The following ZSCAN5A variants were observed in gnomAD, a reference collection of about 807,000 sequenced individuals.
ZSCAN5A encodes the protein zinc finger and SCAN domain containing 5A.
ZSCAN5A carries 12 observed loss-of-function variants against 23.7 expected under a neutral mutation model. That is an observed-to-expected ratio of 0.51 (90% CI 0.32 to 0.82). The LOEUF (loss-of-function observed/expected upper bound fraction) is 0.82. ZSCAN5A is among the 40% of genes least tolerant of loss of function. The pLI, the probability that ZSCAN5A is intolerant of heterozygous loss-of-function variation, is 0.03. For synonymous variants in ZSCAN5A, 257 were observed against 239.9 expected, an observed-to-expected ratio of 1.07 and a Z score of -0.66; for missense variants, 597 against 617.9, an observed-to-expected ratio of 0.97 and a Z score of 0.36.
At chr19:56,297,524 G>A (rs895634926) in intron 2 of ZSCAN5A, 1 of 985,024 alleles carries the variant, frequency 1.0e-6, no homozygotes, top group African/African-American at 1.8e-5. Context: ...GTGGCTGCAA[G>A]GAGGAAGGTA....
rs943302585 is a variant in ZSCAN5A at position 56,222,294 on chromosome 19, G to A, written c.772C>T (p.Pro258Ser). The A allele has an allele frequency of 3.1e-6, 5 of 1,612,600 alleles. No individual in the cohort carries two copies. The highest frequency in any genetic ancestry group is 1.3e-5 in the African/African-American group (1 of 74,892). Reference sequence around the variant, plus strand: ...TTTTCCACAGAGGCTATTTTTGGGGGGTCCTTCCCCTCCTTTGCTCTCACC... The same window carrying A: ...TTTTCCACAGAGGCTATTTTTGGGGAGTCCTTCCCCTCCTTTGCTCTCACC... ...DLVRAKEGKD[P>S]PKIASVENVD... is the part of the protein sequence containing the mutation. Residue 258 changes from proline to serine, a missense_variant, in exon 6 of 6, where the codon CCC becomes TCC. Physicochemically the swap from Pro to Ser is moderately conservative, Grantham distance 74. Around this residue, in one of 5 missense-constraint regions of ZSCAN5A, gnomAD observed 406 missense variants for 353.2 expected, o/e 1.15. Coordinates refer to ENST00000683990, the MANE Select transcript of ZSCAN5A (RefSeq NM_001322064.3).
intron 2 of ZSCAN5A, among the ~76,000 whole-genome samples, chr19:56,232,695 T>C (rs1201882815): frequency 6.6e-6 from 1 of 152,040 alleles, no homozygotes; most frequent in Non-Finnish European, 1.5e-5. Flanking sequence ...TTTTCTTTTT[T>C]TCAGACAGGG....
intron 2 of ZSCAN5A, among the ~76,000 whole-genome samples, chr19:56,280,155 T>C (rs1285550109): frequency 6.6e-6 from 1 of 152,180 alleles, no homozygotes; most frequent in African/African-American, 2.4e-5. Context: ...AAAGTCCTCT[T>C]GTTTCTATTT....
chr19:56,353,747 A>T (rs946728577), intron 2 of ZSCAN5A, among the ~76,000 whole-genome samples: 1 of 152,128 alleles, frequency 6.6e-6, no homozygotes, highest in South Asian at 2.1e-4. Flanking sequence ...GTGCCACTGC[A>T]CTCCAGCCTG....
At chr19:56,269,783 G>A (rs1158990401) in intron 2 of ZSCAN5A, among the ~76,000 whole-genome samples, 1 of 152,208 alleles carries the variant, frequency 6.6e-6, no homozygotes, top group Non-Finnish European at 1.5e-5. Flanking sequence ...GCAGCCTGTA[G>A]AAGCTGCAGA....
intron 2 of ZSCAN5A, chr19:56,246,776 CCT>C (rs2035937395): frequency 1.9e-6 from 3 of 1,599,994 alleles, no homozygotes; most frequent in Non-Finnish European, 2.6e-6. Context: ...AAAAAAAGAG[CCT>C]CTGTCGAAAA....
At chr19:56,292,923 C>T (rs555739622) in intron 2 of ZSCAN5A, among the ~76,000 whole-genome samples, 1 of 152,368 alleles carries the variant, frequency 6.6e-6, no homozygotes, top group South Asian at 2.1e-4. Flanking sequence ...CTGAGCAATA[C>T]TCCATTGCAT....
rs531042856 is a variant in ZSCAN5A at position 56,224,934 on chromosome 19, A to C, written c.113T>G (p.Val38Gly). 158 of 1,614,206 alleles carry C rather than the reference A, an allele frequency of 9.8e-5. No individual in the cohort carries two copies. In the African/African-American group the frequency reaches 1.6e-3, roughly 16 times the overall value. ...GTTCACGTGAGAAATCTCAGGGTCCACGTCGTGATTTCCAAGTTGAGTTTC... is the reference window on the plus strand; with the variant it reads ...GTTCACGTGAGAAATCTCAGGGTCCCCGTCGTGATTTCCAAGTTGAGTTTC... ...SSETQLGNHD[V>G]DPEISHVNFR... Residue 38 changes from valine (V) to glycine (G), a missense_variant, in exon 3 of 6, where the codon GTG becomes GGG. Val to Gly is a moderately radical substitution (Grantham distance 109). Transcript: ENST00000683990.
chr19:56,320,916 G>A (rs887252566), intron 2 of ZSCAN5A: 27 of 758,362 alleles, frequency 3.6e-5, no homozygotes, highest in Non-Finnish European at 6.2e-5. Flanking sequence ...TGAAGGAAAA[G>A]CCCAGCTGTT....
intron 2 of ZSCAN5A, among the ~76,000 whole-genome samples, chr19:56,301,051 G>A (rs1052645930): frequency 6.6e-6 from 1 of 152,114 alleles, no homozygotes; most frequent in African/African-American, 2.4e-5. Context: ...TGGGGGAGAG[G>A]TGGTGGTTTT....
At chr19:56,241,927 C>T (rs925202688) in intron 2 of ZSCAN5A, among the ~76,000 whole-genome samples, 5 of 152,258 alleles carry the variant, frequency 3.3e-5, no homozygotes, top group African/African-American at 9.6e-5. Context: ...TGGGGTATGA[C>T]TCAACCCGTC....
intron 2 of ZSCAN5A, among the ~76,000 whole-genome samples, chr19:56,227,656 G>A (rs572429745): frequency 6.6e-6 from 1 of 152,332 alleles, no homozygotes; most frequent in African/African-American, 2.4e-5. Flanking sequence ...GGGTCACCCA[G>A]GTAGGGACAC....
At chr19:56,269,076 C>T (rs566649086) in intron 2 of ZSCAN5A, among the ~76,000 whole-genome samples, 145 of 152,234 alleles carry the variant, frequency 9.5e-4, no homozygotes, top group Non-Finnish European at 1.8e-3. Flanking sequence ...TGAATAGTGT[C>T]GCTGTGAACA....
chr19:56,322,494 C>T (rs1049146901), intron 2 of ZSCAN5A, among the ~76,000 whole-genome samples: 1 of 152,216 alleles, frequency 6.6e-6, no homozygotes, highest in Non-Finnish European at 1.5e-5. Flanking sequence ...TCCAGTAATA[C>T]TGGGGGCAAA....
chr19:56,222,780 A>G, intron 4 of ZSCAN5A, 39 bp from the exon 5 acceptor site: 1 of 1,613,678 alleles, frequency 6.2e-7, no homozygotes, highest in Non-Finnish European at 8.5e-7. Flanking sequence ...TGCTGTGTCC[A>G]AACTGGTGGA....
intron 2 of ZSCAN5A, among the ~76,000 whole-genome samples, chr19:56,285,811 T>G (rs1368683820): frequency 1.3e-5 from 2 of 152,198 alleles, no homozygotes; most frequent in Non-Finnish European, 2.9e-5. Flanking sequence ...GATGTTATTA[T>G]AAACAGCGCT....
At chr19:56,320,595 A>T in intron 2 of ZSCAN5A, 1 of 585,614 alleles carries the variant, frequency 1.7e-6, no homozygotes, top group Admixed American at 2.2e-5. Flanking sequence ...CTGGGTGACA[A>T]GAGCGAAATT....
chr19:56,328,577 T>C (rs1168692937), intron 2 of ZSCAN5A, among the ~76,000 whole-genome samples: 1 of 151,054 alleles, frequency 6.6e-6, no homozygotes, highest in Non-Finnish European at 1.5e-5. Context: ...AGGATTGCAG[T>C]GAGCTGAAAT....
chr19:56,266,493 C>CCTTTTTTTTTTTTTTTTTT (rs371491455), intron 2 of ZSCAN5A: 3 of 58,002 alleles, frequency 5.2e-5, no homozygotes, highest in Non-Finnish European at 6.7e-5. Context: ...GATGCCCCCA[C>CCTTTTTTTTTTTTTTTTTT]TTTTTTTTTT....
Sources: allele counts gnomAD v4.1 joint callset (sites outside exome capture counted in the v4.1 genomes callset), GRCh38; gene constraint gnomAD v4.1.1; regional missense constraint gnomAD v4.1.1; transcripts MANE v1.5; gene names NCBI Gene and HGNC (gene_info 2026-07-23, HGNC 2026-07-21).